Variants in PRDM16 observed in about 807,000 individuals in gnomAD.
PRDM16 encodes histone-lysine N-methyltransferase PRDM16.
In PRDM16, 23 loss-of-function variants were observed where a neutral mutation model predicts 110.6. The observed-to-expected ratio is 0.21, with a 90% confidence interval of 0.15 to 0.29. The LOEUF (loss-of-function observed/expected upper bound fraction) is 0.29, where lower values mean the gene tolerates loss of function less well. PRDM16 is among the 10% of genes least tolerant of loss of function. The pLI, the probability that PRDM16 is intolerant of heterozygous loss-of-function variation, is 1.00. For missense variants in PRDM16, 1,615 were observed against 1,794.3 expected, an observed-to-expected ratio of 0.90 and a Z score of 1.81; for synonymous variants, 799 against 781.8, an observed-to-expected ratio of 1.02 and a Z score of -0.37.
chr1:3,371,441 C>A (rs1302811654), intron 3 of PRDM16, among the ~76,000 whole-genome samples: 3 of 150,904 alleles, frequency 2.0e-5, no homozygotes, highest in Non-Finnish European at 4.4e-5. Context: ...ATCCATACAT[C>A]CATTTATCCA....
At chr1:3,188,376 T>C (rs1460841745) in intron 2 of PRDM16, among the ~76,000 whole-genome samples, 2 of 152,228 alleles carry the variant, frequency 1.3e-5, no homozygotes, top group Non-Finnish European at 2.9e-5. Context: ...ATTTGCTTTT[T>C]TTTTAAAGAA....
chr1:3,183,237 G>A (rs1257910973), intron 1 of PRDM16, among the ~76,000 whole-genome samples: 1 of 152,204 alleles, frequency 6.6e-6, no homozygotes, highest in Non-Finnish European at 1.5e-5. Flanking sequence ...CAGGGCAGAG[G>A]GTCGGGCAGC....
intron 2 of PRDM16, among the ~76,000 whole-genome samples, chr1:3,221,320 C>T (rs759601109): frequency 6.6e-6 from 1 of 152,238 alleles, no homozygotes; most frequent in Non-Finnish European, 1.5e-5. Flanking sequence ...GCCTTAAAGT[C>T]ATGAGCCTCT....
chr1:3,182,629 A>AGTGCG (rs2100790784), intron 1 of PRDM16, among the ~76,000 whole-genome samples: 1 of 152,262 alleles, frequency 6.6e-6, no homozygotes, highest in Non-Finnish European at 1.5e-5. Flanking sequence ...GCCCAGGGGC[A>AGTGCG]ATGCGAGGGG....
chr1:3,284,615 C>T (rs1640805611), intron 3 of PRDM16, among the ~76,000 whole-genome samples: 1 of 152,204 alleles, frequency 6.6e-6, no homozygotes, highest in Non-Finnish European at 1.5e-5. Flanking sequence ...GAGCCCCACA[C>T]CCTGAGAACG....
chr1:3,294,931 T>G (rs1641052857), intron 3 of PRDM16, among the ~76,000 whole-genome samples: 2 of 152,180 alleles, frequency 1.3e-5, no homozygotes, highest in South Asian at 4.1e-4. Flanking sequence ...CCCACGGAAG[T>G]GGCCATCGGT....
chr1:3,375,552 G>C (rs1452908522), intron 3 of PRDM16, among the ~76,000 whole-genome samples: 4 of 152,246 alleles, frequency 2.6e-5, no homozygotes, highest in Non-Finnish European at 4.4e-5. Flanking sequence ...AGGCTGCTGG[G>C]AGAGCAGTGA....
chr1:3,412,769 C>A lies in PRDM16; in HGVS notation c.2572C>A (p.Pro858Thr). 1 of 1,488,128 alleles carries A rather than the reference C, an allele frequency of 6.7e-7. No individual in the cohort carries two copies. Among genetic ancestry groups the A allele is most frequent in the South Asian group, 1.4e-5 (1 of 73,662 alleles). 92.2% of individuals were successfully genotyped at this position (1,488,128 alleles called of 1,614,324 possible). Residue 858 changes from proline (P) to threonine (T), a missense_variant, in exon 9 of 17, where the codon CCC (proline) becomes ACC (threonine). Physicochemically the swap from Pro to Thr is conservative, Grantham distance 38. Coordinates refer to ENST00000270722, the MANE Select transcript of PRDM16 (RefSeq NM_022114.4). ...GCAGCCCCCGCTCCACTACGCCAAGCCCTCGCCCTTCTTCATGGACCCCAT... is the reference window on the plus strand; with the variant it reads ...GCAGCCCCCGCTCCACTACGCCAAGACCTCGCCCTTCTTCATGGACCCCAT... ...PQQPPLHYAK[P>T]SPFFMDPIYS...
chr1:3,328,433 G>A (rs1570082925), intron 3 of PRDM16, among the ~76,000 whole-genome samples: 1 of 152,158 alleles, frequency 6.6e-6, no homozygotes, highest in East Asian at 1.9e-4. Flanking sequence ...AGCCTTCCTG[G>A]GGGAGGTCTA....
intron 3 of PRDM16, among the ~76,000 whole-genome samples, chr1:3,374,605 C>T (rs532025367): frequency 1.3e-5 from 2 of 152,254 alleles, no homozygotes; most frequent in South Asian, 2.1e-4. Flanking sequence ...TGGCCTTTCT[C>T]CTGGGGGCCG....
At chr1:3,228,212 A>G (rs1639336095) in intron 2 of PRDM16, among the ~76,000 whole-genome samples, 1 of 152,254 alleles carries the variant, frequency 6.6e-6, no homozygotes, top group Non-Finnish European at 1.5e-5. Context: ...AGCATTTTCC[A>G]GAAAAGAGAA....
intron 1 of PRDM16, among the ~76,000 whole-genome samples, chr1:3,161,948 G>A (rs942094454): frequency 6.6e-5 from 10 of 152,158 alleles, no homozygotes; most frequent in Non-Finnish European, 1.0e-4. Flanking sequence ...AGAGCTGCTC[G>A]TGTTCGGGCA....
intron 5 of PRDM16, among the ~76,000 whole-genome samples, chr1:3,397,263 G>A (rs1257997735): frequency 6.6e-6 from 1 of 152,240 alleles, no homozygotes; most frequent in Non-Finnish European, 1.5e-5. Flanking sequence ...TTCCAGACAG[G>A]GCTGTGGGAA....
At chr1:3,121,248 C>T (rs1217398678) in intron 1 of PRDM16, among the ~76,000 whole-genome samples, 1 of 152,204 alleles carries the variant, frequency 6.6e-6, no homozygotes, top group Non-Finnish European at 1.5e-5. Context: ...GCCCACCCTC[C>T]CAGCAGGACC....
intron 3 of PRDM16, among the ~76,000 whole-genome samples, chr1:3,270,188 G>A (rs1264460707): frequency 4.0e-5 from 6 of 148,588 alleles, no homozygotes; most frequent in South Asian, 2.2e-4. Context: ...GAGGACAGTC[G>A]GGGAAGACAG....
At chr1:3,336,949 CTG>C (rs1426903095) in intron 3 of PRDM16, among the ~76,000 whole-genome samples, 7 of 134,874 alleles carry the variant, frequency 5.2e-5, no homozygotes, top group Admixed American at 7.4e-5. Context: ...TGGTGTGAGT[CTG>C]TGAGCACATG....
intron 1 of PRDM16, among the ~76,000 whole-genome samples, chr1:3,098,129 A>G (rs2376813): frequency 0.13 from 20,042 of 152,034 alleles, 1,342 homozygotes; most frequent in African/African-American, 0.15. Context: ...CTGGGGGCTG[A>G]GCCTTCACTG....
chr1:3,366,397 G>A (rs774419691), intron 3 of PRDM16, among the ~76,000 whole-genome samples: 2 of 152,304 alleles, frequency 1.3e-5, no homozygotes, highest in Middle Eastern at 3.4e-3. Flanking sequence ...CCTGCCCTGG[G>A]CCCTCCATGC....
At chr1:3,421,236 C>T (rs532162868) in intron 12 of PRDM16, among the ~76,000 whole-genome samples, 5 of 152,236 alleles carry the variant, frequency 3.3e-5, no homozygotes, top group South Asian at 4.2e-4. Context: ...GGAAGGATGC[C>T]GCTGCCCAGT....
Sources: allele counts gnomAD v4.1 joint callset (sites outside exome capture counted in the v4.1 genomes callset), GRCh38; gene constraint gnomAD v4.1.1; transcripts MANE v1.5; gene names NCBI Gene and HGNC (gene_info 2026-07-23, HGNC 2026-07-21).